Variants in TBC1D16 observed in about 807,000 individuals in gnomAD.
TBC1D16 encodes CTD-2529O21.1.
Under a neutral mutation model 74.7 loss-of-function variants are expected in TBC1D16, and 58 were observed. The ratio of observed to expected loss-of-function variants is 0.78; its 90% CI spans 0.63 to 0.97. The LOEUF (loss-of-function observed/expected upper bound fraction) is 0.97, where lower values mean the gene tolerates loss of function less well. TBC1D16 is among the 50% of genes least tolerant of loss of function. The pLI, the probability that TBC1D16 is intolerant of heterozygous loss-of-function variation, is 0.00. For missense variants in TBC1D16, 1,014 were observed against 1,079.5 expected (o/e 0.94, Z 0.85); for synonymous variants, 493 against 474.7 (o/e 1.04, Z -0.50).
At chr17:79,977,007 A>T (rs2034357858) in intron 3 of TBC1D16, among the ~76,000 whole-genome samples, 1 of 152,212 alleles carries the variant, frequency 6.6e-6, no homozygotes, top group East Asian at 1.9e-4. Context: ...GACTTAAAAC[A>T]AAAGTGTCAG....
In TBC1D16 at chr17:79,944,480, G is replaced by T. The variant is rs530365125; in HGVS notation, c.1908+428C>A. ...CTCTGGAGGGGCCGACAGGGAAGTG[G>T]GATCTCAGGCCCTTTCTCTGCACAG... On this transcript the variant is annotated intron_variant, in intron 10 of 11. Coordinates refer to ENST00000310924, the MANE Select transcript of TBC1D16 (RefSeq NM_019020.4). This position sits in a 1 kb window ranked among gnomAD's most constrained non-coding sequence, Gnocchi z 7.7. 2.6e-4 allele frequency among the ~76,000 whole-genome samples: 40 copies of T among 152,282 alleles called. No homozygotes were observed. Among genetic ancestry groups the T allele is most frequent in the African/African-American group, 9.6e-4 (40 of 41,554 alleles).
At chr17:80,025,128 C>CACATACAA (rs1291091484) in intron 1 of TBC1D16, among the ~76,000 whole-genome samples, 5 of 76,222 alleles carry the variant, frequency 6.6e-5, no homozygotes, top group Admixed American at 1.2e-4. Context: ...CAGACACACA[C>CACATACAA]ACACCATAGG....
intron 3 of TBC1D16, among the ~76,000 whole-genome samples, chr17:79,967,449 A>T (rs1237443979): frequency 1.3e-5 from 2 of 152,190 alleles, no homozygotes; most frequent in Non-Finnish European, 2.9e-5. Flanking sequence ...ATTATATAAG[A>T]TCAATGTCTA....
In TBC1D16 at chr17:79,943,936, G is replaced by A. The variant is rs530805985; in HGVS notation, c.1908+972C>T. On this transcript the variant is annotated intron_variant, in intron 10 of 11. Transcript: ENST00000310924. Reference sequence around the variant, plus strand: ...TGAAGCCTCTCAGACCGTCCATGCCGTGCTTCCCTTCGTTAATGCAGATCG... The same window carrying A: ...TGAAGCCTCTCAGACCGTCCATGCCATGCTTCCCTTCGTTAATGCAGATCG... 6.1e-4 allele frequency: 890 copies of A among 1,465,530 alleles called. 2 individuals carry two copies. In the African/African-American group the frequency reaches 6.1e-3, roughly 10 times the overall value. 90.8% of individuals were successfully genotyped at this position (1,465,530 alleles called of 1,614,324 possible). A position where few individuals can be genotyped will look rare whatever the true frequency, so the allele number is the denominator to read the frequency against.
At chr17:79,942,570 C>T (rs1046684180) in intron 10 of TBC1D16, among the ~76,000 whole-genome samples, 3 of 151,822 alleles carry the variant, frequency 2.0e-5, no homozygotes, top group Non-Finnish European at 4.4e-5. Flanking sequence ...GAAGGCCTGG[C>T]CTGTGCTCAT....
rs1006452525 is a variant in TBC1D16, at chr17:79,993,880, C to T, written c.779+16280G>A. 6.6e-6 allele frequency among the ~76,000 whole-genome samples: 1 copy of T among 152,102 alleles called. No homozygotes were observed. Among genetic ancestry groups the T allele is most frequent in the Non-Finnish European group, 1.5e-5 (1 of 68,004 alleles). On this transcript the variant is annotated intron_variant, in intron 3 of 11. Coordinates refer to ENST00000310924, the MANE Select transcript of TBC1D16 (RefSeq NM_019020.4). This position sits in a 1 kb window ranked among gnomAD's most constrained non-coding sequence, Gnocchi z 5.1. Reference sequence around the variant, plus strand: ...GCCCCTCGAGAGCACCAGGAGCCCCCAGCCCCCATGCAACCACCGGCCGGG... The same window carrying T: ...GCCCCTCGAGAGCACCAGGAGCCCCTAGCCCCCATGCAACCACCGGCCGGG...
rs912905279 is a variant in TBC1D16 at position 80,022,244 on chromosome 17, T to C, written c.-62-8635A>G. Reference sequence around the variant, plus strand: ...TCATTGAGTGTTTATGTTGTTTTTATTGCTAGGCCCTGTTTTTATTGCTTA... The same window carrying C: ...TCATTGAGTGTTTATGTTGTTTTTACTGCTAGGCCCTGTTTTTATTGCTTA... On this transcript the variant is annotated intron_variant, in intron 1 of 11. Transcript: ENST00000310924. Among the ~76,000 whole-genome samples the C allele has an allele frequency of 5.3e-5, 8 of 150,088 alleles. 1 individual carries two copies. Among genetic ancestry groups the C allele is most frequent in the African/African-American group, 1.5e-4 (6 of 39,432 alleles).
chr17:80,004,262 T>C (rs11150834), intron 3 of TBC1D16, among the ~76,000 whole-genome samples: 143,920 of 152,288 alleles, frequency 0.95, 68,423 homozygotes, highest in Non-Finnish European at 1. Flanking sequence ...GAGCCTCATC[T>C]GCACCTCAGG....
rs187144877 is a variant in TBC1D16, at chr17:80,001,996, G to A, written c.779+8164C>T. On this transcript the variant is annotated intron_variant, in intron 3 of 11. Coordinates refer to ENST00000310924, the MANE Select transcript of TBC1D16 (RefSeq NM_019020.4). The surrounding 1 kb of genome is among the most constrained non-coding windows in gnomAD (Gnocchi z 5.8). ...TTCGTGTGCCACCGCTCACTTCTTC[G>A]CCCACCTCCAGGAGTTTCTAATCCT... is the stretch of plus-strand genomic sequence containing the variant. Among the ~76,000 whole-genome samples the A allele has an allele frequency of 5.3e-5, 8 of 152,148 alleles. No homozygotes were observed. Among genetic ancestry groups the A allele is most frequent in the South Asian group, 4.1e-4 (2 of 4,822 alleles).
chr17:79,971,848 T>C lies in TBC1D16; in HGVS notation c.780-19030A>G, dbSNP rs1436826709. On this transcript the variant is annotated intron_variant, in intron 3 of 11. Coordinates refer to ENST00000310924, the MANE Select transcript of TBC1D16 (RefSeq NM_019020.4). This position sits in a 1 kb window ranked among gnomAD's most constrained non-coding sequence, Gnocchi z 4.6. The stretch of plus-strand genomic sequence containing the variant: ...GGTAGGGATGGGGGCTCTGGAAGGC[T>C]TCCTCTCGGAGCAGGTGGCATGGGG... 6.6e-6 allele frequency among the ~76,000 whole-genome samples: 1 copy of C among 152,074 alleles called. No homozygotes were observed. The highest frequency in any genetic ancestry group is 1.5e-5 in the Non-Finnish European group (1 of 67,994).
At position 79,961,422 on chromosome 17, in the gene TBC1D16, T is replaced by C. The variant is rs1423045506; in HGVS notation, c.780-8604A>G. Among the ~76,000 whole-genome samples the C allele has an allele frequency of 1.3e-5, 2 of 152,248 alleles. No homozygotes were observed. Among genetic ancestry groups the C allele is most frequent in the South Asian group, 2.1e-4 (1 of 4,838 alleles). On this transcript the variant is annotated intron_variant, in intron 3 of 11. Coordinates refer to ENST00000310924, the MANE Select transcript of TBC1D16 (RefSeq NM_019020.4). This position sits in a 1 kb window ranked among gnomAD's most constrained non-coding sequence, Gnocchi z 4.8. The stretch of plus-strand genomic sequence containing the variant: ...GGGAATGCAACACGGCAAACCACTT[T>C]AGGAAAGCAGTTCAGTAATTTCTTA...
At chr17:79,955,537 C>T (rs138485065) in intron 3 of TBC1D16, among the ~76,000 whole-genome samples, 52 of 152,278 alleles carry the variant, frequency 3.4e-4, no homozygotes, top group African/African-American at 8.7e-4. Context: ...TTTCTACACA[C>T]GTAAAGCAAT....
chr17:80,023,145 C>A (rs532742474), intron 1 of TBC1D16, among the ~76,000 whole-genome samples: 1 of 149,932 alleles, frequency 6.7e-6, no homozygotes, highest in Non-Finnish European at 1.5e-5. Context: ...CAAGATTTAC[C>A]GCGAAATGGG....
rs2036549469 is a variant in TBC1D16 at position 80,025,560 on chromosome 17, GGCCC to G, written c.-63+10231_-63+10234del. ...AGCAGTCCTGGCACCTGGGCTTCGG[GGCCC>G]GCCTGCTGGGAGCAGCCGCCTGCTG... is the stretch of plus-strand genomic sequence containing the variant. On this transcript the variant is annotated intron_variant, in intron 1 of 11. Coordinates refer to ENST00000310924, the MANE Select transcript of TBC1D16 (RefSeq NM_019020.4). Among the ~76,000 whole-genome samples the G allele has an allele frequency of 3.0e-4, 37 of 122,836 alleles. No homozygotes were observed. In the South Asian group the frequency reaches 9.6e-3, roughly 32 times the overall value. 80.6% of individuals were successfully genotyped at this position (122,836 alleles called of 152,430 possible). A position where few individuals can be genotyped will look rare whatever the true frequency, so the allele number is the denominator to read the frequency against.
intron 3 of TBC1D16, among the ~76,000 whole-genome samples, chr17:79,977,200 A>G (rs1236497391): frequency 6.6e-6 from 1 of 152,082 alleles, no homozygotes; most frequent in Non-Finnish European, 1.5e-5. Context: ...CTGAAGCCCC[A>G]CTGCCTCCAC....
intron 3 of TBC1D16, among the ~76,000 whole-genome samples, chr17:79,970,935 T>C (rs35926122): frequency 0.18 from 27,811 of 152,164 alleles, 3,220 homozygotes; most frequent in African/African-American, 0.33. Context: ...GCTCTTGCAT[T>C]GTTGAGTTTT....
intron 3 of TBC1D16, among the ~76,000 whole-genome samples, chr17:80,005,883 T>TG (rs1328661283): frequency 6.6e-6 from 1 of 152,084 alleles, no homozygotes; most frequent in Non-Finnish European, 1.5e-5. Flanking sequence ...ACCATATACC[T>TG]GGGGGACCCT....
chr17:80,002,728 T>C (rs539976187), intron 3 of TBC1D16, among the ~76,000 whole-genome samples: 261 of 152,312 alleles, frequency 1.7e-3, no homozygotes, highest in African/African-American at 5.9e-3. Context: ...TTCACATTCA[T>C]TGAAGATAAA....
intron 7 of TBC1D16, 94 bp from the exon 8 acceptor site, chr17:79,949,100 C>A: frequency 6.5e-7 from 1 of 1,542,816 alleles, no homozygotes. Flanking sequence ...TTCCTCCCAA[C>A]CCCCGTTCCC....
Sources: allele counts gnomAD v4.1 joint callset (sites outside exome capture counted in the v4.1 genomes callset), GRCh38; gene constraint gnomAD v4.1.1; non-coding constraint Gnocchi (gnomAD v3.1); transcripts MANE v1.5; gene names NCBI Gene and HGNC (gene_info 2026-07-23, HGNC 2026-07-21).